NSD1: variants seen among roughly 807,000 people sequenced by gnomAD.
The protein encoded by NSD1 is nuclear receptor binding SET domain protein 1, also known as histone-lysine N-methyltransferase, H3 lysine-36 specific.
A neutral mutation model predicts 242.7 loss-of-function variants in NSD1; 26 were observed. The observed-to-expected ratio is 0.11, with a 90% CI of 0.08 to 0.15. The LOEUF is 0.15. Among genes scored for constraint, NSD1 ranks in the 10% least tolerant of loss-of-function variants. The probability of loss-of-function intolerance (pLI) is 1.00; values close to 1 mark genes in which losing one functional copy is unlikely to be tolerated. For missense variants in NSD1, 2,495 were observed against 3,272.8 expected (o/e 0.76, Z 5.80); for synonymous variants, 1,106 against 1,178.1 (o/e 0.94, Z 1.25).
chr5:177,182,829 G>T (rs1040106119), intron 2 of NSD1, among the ~76,000 whole-genome samples: 4 of 152,006 alleles, frequency 2.6e-5, no homozygotes, highest in African/African-American at 9.7e-5. Context: ...GTAGAGACAG[G>T]GTTTCACCAC....
chr5:177,204,435 C>A lies in NSD1; in HGVS notation c.1236+143C>A. ...GTGGTGCAATCTTTGTTCACTGCAA[C>A]CTCCGCGTCCCAGGTTCAAGTGATT... On this transcript the variant is annotated intron_variant, in intron 4 of 22. Transcript: ENST00000439151. 1.5e-5 allele frequency: 11 copies of A among 723,764 alleles called. No individual in the cohort carries two copies. The South Asian group carries it at 1.7e-4, about 11-fold the overall frequency. 44.8% of individuals were successfully genotyped at this position (723,764 alleles called of 1,614,324 possible).
At position 177,295,575 on chromosome 5, in the gene NSD1, A is replaced by G; in HGVS notation, c.*116A>G. On this transcript the variant is annotated 3_prime_UTR_variant, in exon 23 of 23. Transcript: ENST00000439151. The surrounding 1 kb of genome is among the most constrained non-coding windows in gnomAD (Gnocchi z 4.3). Reference sequence around the variant, plus strand: ...ACACATCTGCCCCGAACACTTTCCCACTGTTATTCTTTCCTCATATCCCAA... The same window carrying G: ...ACACATCTGCCCCGAACACTTTCCCGCTGTTATTCTTTCCTCATATCCCAA... 2 of 1,069,192 alleles carry G rather than the reference A, an allele frequency of 1.9e-6. No individual in the cohort carries two copies. The highest frequency in any genetic ancestry group is 2.6e-5 in the East Asian group (1 of 38,756). The allele number at this position is 1,069,192 out of a possible 1,614,324, so 66.2% of individuals were successfully genotyped here. A position where few individuals can be genotyped will look rare whatever the true frequency, so the allele number is the denominator to read the frequency against.
rs2127260378 is a variant in NSD1, at chr5:177,282,465, G to T, written c.5893G>T (p.Gly1965Cys). 6.2e-7 allele frequency: 1 copy of T among 1,604,924 alleles called. No individual in the cohort carries two copies. Among genetic ancestry groups the T allele is most frequent in the Non-Finnish European group, 8.5e-7 (1 of 1,172,432 alleles). ...GLRTKTDIKK[G>C]EFVNEYVGEL... ...AGTCAGGAGGTATTTCTTGTTCTAG[G>T]GTGAATTTGTGAATGAGTATGTGGG... Residue 1965 changes from glycine (G) to cysteine (C), a missense_variant and splice_region_variant, in exon 19 of 23, where the codon GGT (glycine) becomes TGT (cysteine). Physicochemically the swap from Gly to Cys is radical, Grantham distance 159. This residue lies in a region of NSD1 where 114 missense variants were observed against 247.4 expected (regional missense o/e 0.46). Transcript: ENST00000439151.
chr5:177,268,060 C>T (rs1757654972), intron 15 of NSD1, among the ~76,000 whole-genome samples: 1 of 151,048 alleles, frequency 6.6e-6, no homozygotes, highest in African/African-American at 2.4e-5. Flanking sequence ...CGCAGTTATG[C>T]CCCCCACCAT....
intron 17 of NSD1, 81 bp downstream of exon 17, chr5:177,273,865 G>A (rs997664523): frequency 2.4e-5 from 22 of 930,494 alleles, no homozygotes; most frequent in Middle Eastern, 4.3e-4. Context: ...TGACAAGAAC[G>A]GAAGCACAAG....
In NSD1 at chr5:177,269,923, A is replaced by T. The variant is rs923908025; in HGVS notation, c.5509+116A>T. 3 of 828,422 alleles carry T rather than the reference A, an allele frequency of 3.6e-6. No homozygotes were observed. The Admixed American group carries it at 8.2e-5, about 23-fold the overall frequency. 51.3% of individuals were successfully genotyped at this position (828,422 alleles called of 1,614,324 possible). A position where few individuals can be genotyped will look rare whatever the true frequency, so the allele number is the denominator to read the frequency against. On this transcript the variant is annotated intron_variant, in intron 16 of 22. Coordinates refer to ENST00000439151, the MANE Select transcript of NSD1 (RefSeq NM_022455.5). This position sits in a 1 kb window ranked among gnomAD's most constrained non-coding sequence, Gnocchi z 5.1. ...GAAACTGCCTTTGTCCTCTCAGGGC[A>T]TTATCTGGCTGCAAATACAGTATTT...
rs192051137 is a variant in NSD1, at chr5:177,299,123, C to T, written c.*3664C>T. On this transcript the variant is annotated 3_prime_UTR_variant, in exon 23 of 23. Coordinates refer to ENST00000439151, the MANE Select transcript of NSD1 (RefSeq NM_022455.5). The stretch of plus-strand genomic sequence containing the variant: ...GCTTCCTAGGGCCAGTGCAACAGGG[C>T]CAGAGGCTGCTATAGTGTAAATTGA... 3 of 233,110 alleles carry T rather than the reference C, an allele frequency of 1.3e-5. No individual in the cohort carries two copies. The highest frequency in any genetic ancestry group is 5.6e-5 in the Admixed American group (1 of 17,778). The allele number at this position is 233,110 out of a possible 1,614,324, so 14.4% of individuals were successfully genotyped here.
At chr5:177,248,159 G>C in intron 10 of NSD1, 22 bp from the exon 11 acceptor site, 2 of 1,613,472 alleles carry the variant, frequency 1.2e-6, no homozygotes, top group Non-Finnish European at 8.5e-7. Flanking sequence ...ACAGATGTGG[G>C]ACATTATTTT....
At position 177,288,936 on chromosome 5, in the gene NSD1, T is replaced by C. The variant is rs1249269521; in HGVS notation, c.6258+11T>C. On this transcript the variant is annotated intron_variant, in intron 21 of 22. Transcript: ENST00000439151. ...GGTGTAAGGCCAAAGGTACCACCCT[T>C]CTAGACTTCTGCTTTGGGATTAGTG... 1.3e-6 allele frequency: 2 copies of C among 1,594,310 alleles called. No homozygotes were observed. Among genetic ancestry groups the C allele is most frequent in the African/African-American group, 2.7e-5 (2 of 74,478 alleles).
At chr5:177,288,993 C>G in intron 21 of NSD1, 68 bp downstream of exon 21, 1 of 1,058,492 alleles carries the variant, frequency 9.4e-7, no homozygotes, top group Non-Finnish European at 1.5e-6. Context: ...AGTGTTAGGG[C>G]AGTCTACATT....
intron 8 of NSD1, among the ~76,000 whole-genome samples, chr5:177,241,539 T>C (rs867985459): frequency 6.6e-6 from 1 of 152,110 alleles, no homozygotes; most frequent in African/African-American, 2.4e-5. Context: ...CTCCCTGATA[T>C]TTATCCTCAC....
At chr5:177,215,388 C>G (rs545622575) in intron 5 of NSD1, among the ~76,000 whole-genome samples, 1 of 151,954 alleles carries the variant, frequency 6.6e-6, no homozygotes, top group Admixed American at 6.6e-5. Flanking sequence ...GTTGGCCAGG[C>G]TGGTGTCGAA....
At chr5:177,274,244 T>A (rs534874325) in intron 17 of NSD1, among the ~76,000 whole-genome samples, 14 of 152,232 alleles carry the variant, frequency 9.2e-5, no homozygotes, top group Non-Finnish European at 1.8e-4. Context: ...TGATTTTAGG[T>A]GGACCTAACC....
At chr5:177,158,293 C>CTTTCTTTCTTTCTTTCTTTTCTTTCT (rs1758350204) in intron 2 of NSD1, among the ~76,000 whole-genome samples, 2 of 77,744 alleles carry the variant, frequency 2.6e-5, no homozygotes, top group Non-Finnish European at 2.7e-5. Flanking sequence ...TTCTTTCTTT[C>CTTTCTTTCTTTCTTTCTTTTCTTTCT]TTTCTTTCTT....
chr5:177,240,216 G>A (rs867026920), intron 8 of NSD1, among the ~76,000 whole-genome samples: 14 of 151,942 alleles, frequency 9.2e-5, no homozygotes, highest in Admixed American at 5.3e-4. Context: ...TCCTATTGCC[G>A]TGTCGTCGTA....
At chr5:177,190,328 G>C (rs546966501) in intron 2 of NSD1, among the ~76,000 whole-genome samples, 1 of 152,194 alleles carries the variant, frequency 6.6e-6, no homozygotes, top group African/African-American at 2.4e-5. Context: ...TGCCCAGGCC[G>C]GCGTGCAGTG....
chr5:177,251,554 C>T (rs1055680360), intron 11 of NSD1, among the ~76,000 whole-genome samples, 176 bp from the exon 12 acceptor site: 3 of 152,190 alleles, frequency 2.0e-5, no homozygotes, highest in Admixed American at 6.5e-5. Flanking sequence ...TTTGTTAAAG[C>T]TCTCCAATGG....
intron 2 of NSD1, among the ~76,000 whole-genome samples, chr5:177,167,081 G>A: frequency 6.6e-6 from 1 of 151,964 alleles, no homozygotes; most frequent in East Asian, 1.9e-4. Context: ...TATATTGAAT[G>A]AGGCATAAGC....
chr5:177,289,897 G>T (rs1253319071), intron 21 of NSD1, among the ~76,000 whole-genome samples: 1 of 150,086 alleles, frequency 6.7e-6, no homozygotes, highest in Non-Finnish European at 1.5e-5. Context: ...GCGCAATCTC[G>T]GCTCACTGCA....
Sources: gnomAD v4.1 joint callset for allele counts (sites outside exome capture counted in the v4.1 genomes callset) on GRCh38, gnomAD v4.1.1 for gene constraint, gnomAD v4.1.1 regional missense constraint, Gnocchi (gnomAD v3.1) non-coding constraint, MANE v1.5 for transcripts, NCBI Gene and HGNC (gene_info 2026-07-23, HGNC 2026-07-21) for gene names.